The following FAM135B variants were observed in gnomAD, a reference collection of about 807,000 sequenced individuals.
FAM135B encodes the protein family with sequence similarity 135 member B, also known as protein FAM135B.
In FAM135B, 43 loss-of-function variants were observed where a neutral mutation model predicts 127.7. That is an observed-to-expected ratio of 0.34 (90% CI 0.26 to 0.43). The LOEUF is 0.43. Among genes scored for constraint, FAM135B ranks in the 20% least tolerant of loss-of-function variants. FAM135B has a pLI of 1.00. For synonymous variants in FAM135B, 670 were observed against 665.1 expected (o/e 1.01, Z -0.11); for missense variants, 1,558 against 1,725.6 (o/e 0.90, Z 1.72).
Position 138,192,557 on chromosome 8 carries a change from C to T in FAM135B, c.873+2701G>A, listed in dbSNP as rs191081475. ...GTGCTCGAGATATTTGCAGACCCTG[C>T]ACTTGACGGATCAGTTGGTATCACC... On this transcript the variant is annotated intron_variant, in intron 9 of 19. Transcript: ENST00000395297. 1.4e-4 allele frequency among the ~76,000 whole-genome samples: 21 copies of T among 152,142 alleles called. No homozygotes were observed. The East Asian group carries it at 3.3e-3, about 24-fold the overall frequency.
At chr8:138,240,916 C>T (rs923929335) in intron 7 of FAM135B, among the ~76,000 whole-genome samples, 1 of 152,090 alleles carries the variant, frequency 6.6e-6, no homozygotes, top group Non-Finnish European at 1.5e-5. Flanking sequence ...TCCCTAACGC[C>T]CCAGGCCACA....
chr8:138,153,473 C>T (rs1413070295), intron 12 of FAM135B, among the ~76,000 whole-genome samples: 3 of 152,104 alleles, frequency 2.0e-5, no homozygotes, highest in Non-Finnish European at 4.4e-5. Flanking sequence ...GAGTGTGAGA[C>T]AAAGCAGGGC....
At chr8:138,443,414 C>T (rs2131555912) in intron 1 of FAM135B, among the ~76,000 whole-genome samples, 1 of 152,144 alleles carries the variant, frequency 6.6e-6, no homozygotes, top group Non-Finnish European at 1.5e-5. Context: ...ATGGGGTCCA[C>T]TTAAATACCT....
chr8:138,161,417 A>T (rs181639255), intron 12 of FAM135B, among the ~76,000 whole-genome samples: 8 of 152,220 alleles, frequency 5.3e-5, no homozygotes, highest in Non-Finnish European at 8.8e-5. Flanking sequence ...GACAAAAACA[A>T]TAACCTCTCA....
chr8:138,210,104 T>C (rs1187229703), intron 7 of FAM135B, among the ~76,000 whole-genome samples: 1 of 152,232 alleles, frequency 6.6e-6, no homozygotes, highest in Non-Finnish European at 1.5e-5. Context: ...ATCATCAAAT[T>C]AGACATGTCT....
At chr8:138,233,395 T>C (rs989250928) in intron 7 of FAM135B, among the ~76,000 whole-genome samples, 15 of 152,276 alleles carry the variant, frequency 9.9e-5, no homozygotes, top group African/African-American at 3.4e-4. Flanking sequence ...TTGGATAAGG[T>C]GTTAAGAGCA....
At chr8:138,481,470 C>G (rs1239388131) in intron 1 of FAM135B, among the ~76,000 whole-genome samples, 2 of 152,202 alleles carry the variant, frequency 1.3e-5, no homozygotes, top group African/African-American at 4.8e-5. Context: ...CTGAGCATAG[C>G]AGGGCAGAGA....
At chr8:138,289,464 T>C (rs1824938375) in intron 3 of FAM135B, among the ~76,000 whole-genome samples, 1 of 152,204 alleles carries the variant, frequency 6.6e-6, no homozygotes, top group Non-Finnish European at 1.5e-5. Context: ...TCTGTCTGCT[T>C]TAGCCCCAAA....
intron 1 of FAM135B, among the ~76,000 whole-genome samples, chr8:138,395,470 C>T (rs1377885030): frequency 1.3e-5 from 2 of 152,162 alleles, no homozygotes; most frequent in Non-Finnish European, 1.5e-5. Context: ...TATCCACCAT[C>T]GGCTACTTAC....
chr8:138,375,941 G>A (rs561591374), intron 1 of FAM135B, among the ~76,000 whole-genome samples: 8 of 152,206 alleles, frequency 5.3e-5, no homozygotes, highest in African/African-American at 9.6e-5. Context: ...TCACTTACCC[G>A]GTTGTCTGGG....
chr8:138,377,994 C>T lies in FAM135B; in HGVS notation c.-19-9992G>A, dbSNP rs981995054. 2.0e-5 allele frequency among the ~76,000 whole-genome samples: 3 copies of T among 152,206 alleles called. No individual in the cohort carries two copies. The East Asian group carries it at 5.8e-4, about 29-fold the overall frequency. ...TTCTTCATTAAGAAGGGAGGATCCC[C>T]TAAGCACTCTTTCTTGCTGTGAGAG... On this transcript the variant is annotated intron_variant, in intron 1 of 19. Coordinates refer to ENST00000395297, the MANE Select transcript of FAM135B (RefSeq NM_015912.4).
At position 138,338,187 on chromosome 8, in the gene FAM135B, A is replaced by G. The variant is rs564924484; in HGVS notation, c.78-27267T>C. ...GAAAACCTAGGCAATACCATTCAGG[A>G]CATAGGCATAGGCAAGGACTTCATG... On this transcript the variant is annotated intron_variant, in intron 2 of 19. Transcript: ENST00000395297. Among the ~76,000 whole-genome samples, 1,319 of 152,268 alleles carry G rather than the reference A, an allele frequency of 8.7e-3. 22 individuals are homozygous for G. The highest frequency in any genetic ancestry group is 0.031 in the African/African-American group (1,267 of 41,528).
At chr8:138,206,861 C>G (rs991818240) in intron 7 of FAM135B, among the ~76,000 whole-genome samples, 87 of 149,762 alleles carry the variant, frequency 5.8e-4, no homozygotes, top group Non-Finnish European at 1.1e-3. Context: ...CTCTATCATC[C>G]CCTCCACCTA....
intron 10 of FAM135B, among the ~76,000 whole-genome samples, chr8:138,177,762 T>C (rs4909746): frequency 0.55 from 83,331 of 152,106 alleles, 23,186 homozygotes; most frequent in East Asian, 0.82. Flanking sequence ...GCAGATGAAA[T>C]AGAATTCCCA....
At chr8:138,346,807 T>A (rs576531718) in intron 2 of FAM135B, among the ~76,000 whole-genome samples, 1 of 152,196 alleles carries the variant, frequency 6.6e-6, no homozygotes, top group Admixed American at 6.5e-5. Flanking sequence ...ACCCTGCACA[T>A]GTACCCTGGA....
At chr8:138,198,597 A>G (rs989622434) in intron 7 of FAM135B, among the ~76,000 whole-genome samples, 2 of 152,236 alleles carry the variant, frequency 1.3e-5, no homozygotes, top group African/African-American at 2.4e-5. Flanking sequence ...GCACACCTGT[A>G]AACAGCTCTG....
intron 7 of FAM135B, among the ~76,000 whole-genome samples, chr8:138,216,140 T>C (rs750459316): frequency 6.6e-6 from 1 of 152,168 alleles, no homozygotes; most frequent in African/African-American, 2.4e-5. Flanking sequence ...CCTTGTCATA[T>C]CAACTCCAGG....
At chr8:138,336,392 C>T (rs1286390542) in intron 2 of FAM135B, among the ~76,000 whole-genome samples, 2 of 152,040 alleles carry the variant, frequency 1.3e-5, no homozygotes, top group Non-Finnish European at 2.9e-5. Flanking sequence ...AAAGAAGAAT[C>T]AAATAGACGC....
intron 1 of FAM135B, among the ~76,000 whole-genome samples, chr8:138,484,473 G>A (rs1191842151): frequency 2.0e-5 from 3 of 152,174 alleles, no homozygotes; most frequent in Admixed American, 2.0e-4. Context: ...ATCAGCTTCT[G>A]GCGACTGTGT....
Sources: gnomAD v4.1 joint callset for allele counts (sites outside exome capture counted in the v4.1 genomes callset) on GRCh38, gnomAD v4.1.1 for gene constraint, MANE v1.5 for transcripts, NCBI Gene and HGNC (gene_info 2026-07-23, HGNC 2026-07-21) for gene names.